AKAP6: variants seen among roughly 807,000 people sequenced by gnomAD.
AKAP6 encodes the protein A-kinase anchor protein 6.
Under a neutral mutation model 188.5 loss-of-function variants are expected in AKAP6, and 58 were observed. The ratio of observed to expected loss-of-function variants is 0.31; its 90% CI spans 0.25 to 0.38. The LOEUF is 0.38. AKAP6 is among the 10% of genes least tolerant of loss of function. The pLI is 1.00. For missense variants in AKAP6, 2,710 were observed against 2,740.0 expected, an observed-to-expected ratio of 0.99 and a Z score of 0.24; for synonymous variants, 989 against 998.6, an observed-to-expected ratio of 0.99 and a Z score of 0.18.
At chr14:32,777,718 A>G (rs1401031350) in intron 12 of AKAP6, among the ~76,000 whole-genome samples, 1 of 152,240 alleles carries the variant, frequency 6.6e-6, no homozygotes, top group African/African-American at 2.4e-5. Flanking sequence ...GCCTAATTGA[A>G]GATTAGAATT....
intron 1 of AKAP6, among the ~76,000 whole-genome samples, chr14:32,389,854 G>A (rs72666181): frequency 0.06 from 9,086 of 152,080 alleles, 466 homozygotes; most frequent in South Asian, 0.25. Flanking sequence ...TGAATTTCCC[G>A]TGTGTTCTTG....
intron 7 of AKAP6, among the ~76,000 whole-genome samples, chr14:32,645,052 A>G (rs1887928528): frequency 2.6e-5 from 4 of 152,192 alleles, no homozygotes; most frequent in Admixed American, 1.3e-4. Flanking sequence ...TTGCTATAAA[A>G]CATGCATTAG....
intron 7 of AKAP6, among the ~76,000 whole-genome samples, chr14:32,605,819 A>G (rs566137038): frequency 2.0e-4 from 31 of 152,372 alleles, no homozygotes; most frequent in African/African-American, 6.7e-4. Flanking sequence ...AAATTAAAAC[A>G]TGATAATACA....
rs527666292 is a variant in AKAP6, at chr14:32,476,001, T to A, written c.324+42184T>A. Among the ~76,000 whole-genome samples, 33 of 152,208 alleles carry A rather than the reference T, an allele frequency of 2.2e-4. 1 individual carries two copies. Among genetic ancestry groups the A allele is most frequent in the Middle Eastern group, 6.8e-3 (2 of 294 alleles). ...CCTGGCCTTCAGCTCTTTTAACTAC[T>A]CATAAAAATGTTTTAAGTACATTTT... On this transcript the variant is annotated intron_variant, in intron 2 of 13. Coordinates refer to ENST00000280979, the MANE Select transcript of AKAP6 (RefSeq NM_004274.5).
At chr14:32,600,915 C>T in intron 7 of AKAP6, 123 bp downstream of exon 7, 1 of 812,150 alleles carries the variant, frequency 1.2e-6, no homozygotes, top group Non-Finnish European at 1.8e-6. Flanking sequence ...TTATATCTCT[C>T]TCTATATATA....
At chr14:32,514,660 A>G (rs189773005) in intron 2 of AKAP6, among the ~76,000 whole-genome samples, 99 of 152,366 alleles carry the variant, frequency 6.5e-4, no homozygotes, top group African/African-American at 2.3e-3. Context: ...GATAAAACAA[A>G]TCTAAACTGC....
chr14:32,348,413 G>T (rs368894065), intron 1 of AKAP6, among the ~76,000 whole-genome samples: 5,153 of 68,840 alleles, frequency 0.075, 200 homozygotes, highest in Non-Finnish European at 0.088. Flanking sequence ...CTTTTCTTTT[G>T]TTTCTTTTTT....
At chr14:32,480,642 T>C (rs977891736) in intron 2 of AKAP6, among the ~76,000 whole-genome samples, 2 of 152,188 alleles carry the variant, frequency 1.3e-5, no homozygotes, top group African/African-American at 4.8e-5. Context: ...TAAAAATCTG[T>C]TTTCATTTAT....
intron 2 of AKAP6, among the ~76,000 whole-genome samples, chr14:32,526,454 A>G (rs1263918826): frequency 6.6e-6 from 1 of 152,120 alleles, no homozygotes; most frequent in Non-Finnish European, 1.5e-5. Context: ...GCTGGTCTCA[A>G]ACTCATGAAC....
chr14:32,347,781 G>A (rs1357272657), intron 1 of AKAP6, among the ~76,000 whole-genome samples: 1 of 152,172 alleles, frequency 6.6e-6, no homozygotes, highest in African/African-American at 2.4e-5. Flanking sequence ...TTTTTAAAAA[G>A]CCTAAAGTTT....
At chr14:32,803,011 T>A (rs1447891907) in intron 12 of AKAP6, among the ~76,000 whole-genome samples, 1 of 152,136 alleles carries the variant, frequency 6.6e-6, no homozygotes, top group African/African-American at 2.4e-5. Context: ...GGCAGGTGAA[T>A]TGCTTGAACT....
At chr14:32,550,351 T>G (rs1177857784) in intron 4 of AKAP6, among the ~76,000 whole-genome samples, 1 of 152,184 alleles carries the variant, frequency 6.6e-6, no homozygotes, top group East Asian at 1.9e-4. Flanking sequence ...AAATGGTTTA[T>G]AGGCAGTTGA....
intron 4 of AKAP6, among the ~76,000 whole-genome samples, chr14:32,557,825 A>G (rs1032186615): frequency 3.3e-5 from 5 of 150,232 alleles, no homozygotes; most frequent in African/African-American, 1.2e-4. Flanking sequence ...GCTTTTCTTT[A>G]CTTTTCTTCT....
At chr14:32,333,576 C>T (rs1289719413) in intron 1 of AKAP6, among the ~76,000 whole-genome samples, 1 of 151,988 alleles carries the variant, frequency 6.6e-6, no homozygotes, top group African/African-American at 2.4e-5. Flanking sequence ...TATCTGTGCA[C>T]ATTTGTATAG....
In AKAP6 at chr14:32,783,227, G is replaced by A. The variant is rs532068333; in HGVS notation, c.3588+9334G>A. On this transcript the variant is annotated intron_variant, in intron 12 of 13. Transcript: ENST00000280979. ...CATATGCACAGACATAGATTGATCC[G>A]TATAATGTGCCATATAAAAATTAAG... is the stretch of plus-strand genomic sequence containing the variant. 3.0e-4 allele frequency among the ~76,000 whole-genome samples: 45 copies of A among 152,150 alleles called. 1 individual carries two copies. Among genetic ancestry groups the A allele is most frequent in the African/African-American group, 9.9e-4 (41 of 41,544 alleles).
chr14:32,587,306 A>G (rs1022051657), intron 5 of AKAP6, among the ~76,000 whole-genome samples: 4 of 152,176 alleles, frequency 2.6e-5, no homozygotes, highest in African/African-American at 9.7e-5. Flanking sequence ...AATTTTTAAA[A>G]AGTATTCTGG....
intron 7 of AKAP6, among the ~76,000 whole-genome samples, chr14:32,650,123 GT>G (rs1317026514): frequency 6.6e-6 from 1 of 152,142 alleles, no homozygotes; most frequent in African/African-American, 2.4e-5. Context: ...AAGATAACTT[GT>G]TTTGGGTTCT....
chr14:32,502,036 C>G (rs561458304), intron 2 of AKAP6, among the ~76,000 whole-genome samples: 2 of 152,154 alleles, frequency 1.3e-5, no homozygotes, highest in Admixed American at 1.3e-4. Context: ...CTTTTCCTTC[C>G]TCATACTGAA....
At chr14:32,726,620 C>T (rs1216174048) in intron 9 of AKAP6, among the ~76,000 whole-genome samples, 2 of 152,252 alleles carry the variant, frequency 1.3e-5, no homozygotes, top group East Asian at 3.8e-4. Flanking sequence ...GCTTTTCACG[C>T]AGTGCATTTC....
Sources: allele counts gnomAD v4.1 joint callset (sites outside exome capture counted in the v4.1 genomes callset), GRCh38; gene constraint gnomAD v4.1.1; transcripts MANE v1.5; gene names NCBI Gene and HGNC (gene_info 2026-07-23, HGNC 2026-07-21).